The following LAMA2 variants were observed in gnomAD, a reference collection of about 807,000 sequenced individuals.
LAMA2 encodes the protein laminin subunit alpha 2.
A neutral mutation model predicts 364.8 loss-of-function variants in LAMA2; 269 were observed. That is an observed-to-expected ratio of 0.74 (90% CI 0.67 to 0.82). The LOEUF is 0.82. Ranked by LOEUF, LAMA2 falls within the 40% of genes least tolerant of loss-of-function variation. The pLI is 0.00. For missense variants in LAMA2, 3,807 were observed against 3,873.2 expected, an observed-to-expected ratio of 0.98 and a Z score of 0.45; for synonymous variants, 1,379 against 1,370.6, an observed-to-expected ratio of 1.01 and a Z score of -0.14.
Position 129,403,873 on chromosome 6 carries a change from G to T in LAMA2, c.5779G>T (p.Ala1927Ser). The change falls in exon 40 of 65, where the codon GCT becomes TCT. Residue 1927 changes from alanine to serine, a missense_variant. This residue lies in a region of LAMA2 where 3,333 missense variants were observed against 3,345.7 expected (regional missense o/e 1.00). Coordinates refer to ENST00000421865, the MANE Select transcript of LAMA2 (RefSeq NM_000426.4). ...ISFNATAAFK[A>S]YSNIKDYIDE... ...CTTCAATGCCACTGCAGCCTTCAAA[G>T]CTTACAGCAATATTAAGGACTATAT... 3 of 1,613,812 alleles carry T rather than the reference G, an allele frequency of 1.9e-6. No homozygotes were observed. The highest frequency in any genetic ancestry group is 2.2e-5 in the South Asian group (2 of 91,072).
chr6:129,263,900 C>T (rs1245306494), intron 15 of LAMA2, among the ~76,000 whole-genome samples: 1 of 151,938 alleles, frequency 6.6e-6, no homozygotes, highest in Admixed American at 6.6e-5. Flanking sequence ...CCACCATGCC[C>T]AGCTATTTTT....
At chr6:129,300,695 T>C in intron 21 of LAMA2, 41 bp from the exon 22 acceptor site, 2 of 1,609,170 alleles carry the variant, frequency 1.2e-6, no homozygotes, top group African/African-American at 1.3e-5. Context: ...AAATTTTTAC[T>C]ATTTTTCCCC....
chr6:129,206,948 G>A lies in LAMA2; in HGVS notation c.1782+14095G>A, dbSNP rs986557717. 4.6e-5 allele frequency among the ~76,000 whole-genome samples: 7 copies of A among 152,230 alleles called. No individual in the cohort carries two copies. The South Asian group carries it at 6.2e-4, about 14-fold the overall frequency. ...CAATTAGACTGACTGTCTCTTCAAT[G>A]AGTTGTGACCTATCAATGGTAATAG... On this transcript the variant is annotated intron_variant, in intron 12 of 64. Coordinates refer to ENST00000421865, the MANE Select transcript of LAMA2 (RefSeq NM_000426.4).
chr6:129,113,753 C>T (rs569665251), intron 4 of LAMA2, among the ~76,000 whole-genome samples: 2 of 152,002 alleles, frequency 1.3e-5, no homozygotes, highest in African/African-American at 4.8e-5. Context: ...GTGTGTGTAC[C>T]CTTCTACCTG....
intron 2 of LAMA2, among the ~76,000 whole-genome samples, chr6:129,056,195 T>C (rs1020154583): frequency 2.0e-5 from 3 of 152,206 alleles, no homozygotes; most frequent in Admixed American, 1.3e-4. Context: ...TTCTGTGATA[T>C]TTATTTTTCT....
intron 1 of LAMA2, among the ~76,000 whole-genome samples, chr6:128,932,677 AT>A (rs1779554242): frequency 6.6e-6 from 1 of 152,130 alleles, no homozygotes; most frequent in Non-Finnish European, 1.5e-5. Flanking sequence ...TAAGATTTCT[AT>A]TTTTTCTAGA....
chr6:129,151,236 G>T (rs757811913), intron 7 of LAMA2, among the ~76,000 whole-genome samples: 2 of 152,050 alleles, frequency 1.3e-5, no homozygotes, highest in African/African-American at 2.4e-5. Flanking sequence ...TTGGCATCAG[G>T]GTTTTACATA....
chr6:129,326,601 TTAG>T (rs1775300297), intron 28 of LAMA2, among the ~76,000 whole-genome samples: 3 of 151,130 alleles, frequency 2.0e-5, no homozygotes, highest in South Asian at 2.1e-4. Flanking sequence ...CAGTAATAAC[TTAG>T]TAGAGAGATT....
At chr6:129,497,605 G>A (rs1412024875) in intron 58 of LAMA2, among the ~76,000 whole-genome samples, 1 of 152,178 alleles carries the variant, frequency 6.6e-6, no homozygotes, top group African/African-American at 2.4e-5. Flanking sequence ...AGTGAGAACT[G>A]CCTATTTATG....
chr6:129,010,897 C>T (rs938902155), intron 1 of LAMA2, among the ~76,000 whole-genome samples: 1 of 152,180 alleles, frequency 6.6e-6, no homozygotes, highest in African/African-American at 2.4e-5. Flanking sequence ...TATGTCTTTA[C>T]TGTGTATACA....
chr6:129,214,853 T>C (rs965040320), intron 12 of LAMA2, among the ~76,000 whole-genome samples: 3 of 152,228 alleles, frequency 2.0e-5, no homozygotes, highest in African/African-American at 7.2e-5. Context: ...ACCTTGAATC[T>C]ACACAAATTG....
intron 2 of LAMA2, 93 bp from the exon 3 acceptor site, chr6:129,059,691 T>G: frequency 2.6e-6 from 2 of 763,870 alleles, no homozygotes; most frequent in Non-Finnish European, 4.6e-6. Context: ...ATGATGGTTG[T>G]TTTAACCATT....
At chr6:129,451,691 C>T (rs1554299367) in intron 45 of LAMA2, among the ~76,000 whole-genome samples, 1 of 152,146 alleles carries the variant, frequency 6.6e-6, no homozygotes, top group Non-Finnish European at 1.5e-5. Context: ...ATGAATTTAC[C>T]TATTGCAAAA....
At position 129,428,496 on chromosome 6, in the gene LAMA2, C is replaced by G. The variant is rs1290636665; in HGVS notation, c.5968+642C>G. 2.6e-5 allele frequency among the ~76,000 whole-genome samples: 4 copies of G among 152,174 alleles called. No individual in the cohort carries two copies. In the East Asian group the frequency reaches 7.7e-4, roughly 29 times the overall value. ...CTGAGATGAAGTCTCGCTCTGTCAA[C>G]CAGGCTGGAGTGCAGTGGTGCGATC... On this transcript the variant is annotated intron_variant, in intron 41 of 64. Coordinates refer to ENST00000421865, the MANE Select transcript of LAMA2 (RefSeq NM_000426.4).
At chr6:129,226,882 T>C (rs1365546166) in intron 12 of LAMA2, among the ~76,000 whole-genome samples, 1 of 152,240 alleles carries the variant, frequency 6.6e-6, no homozygotes, top group African/African-American at 2.4e-5. Context: ...TTGGCCTGCC[T>C]TGCTAGGTTG....
chr6:129,324,053 C>T (rs1775124930), intron 28 of LAMA2, among the ~76,000 whole-genome samples: 1 of 152,178 alleles, frequency 6.6e-6, no homozygotes, highest in Non-Finnish European at 1.5e-5. Flanking sequence ...CACATCTATC[C>T]TTTATCACTT....
chr6:128,931,779 G>T (rs979969894), intron 1 of LAMA2, among the ~76,000 whole-genome samples: 1 of 152,098 alleles, frequency 6.6e-6, no homozygotes. Context: ...TGTGGCTTCA[G>T]TTTTGACTTC....
In LAMA2 at chr6:129,315,822, G is replaced by A. The variant is rs1554269878; in HGVS notation, c.3796G>A (p.Gly1266Ser). The A allele has an allele frequency of 8.1e-6, 13 of 1,614,108 alleles. No individual in the cohort carries two copies. Among genetic ancestry groups the A allele is most frequent in the Non-Finnish European group, 5.9e-6 (7 of 1,180,022 alleles). Residue 1266 changes from glycine to serine, a missense_variant, in exon 26 of 65, where the codon GGT (glycine) becomes AGT (serine). Physicochemically the swap from Gly to Ser is moderately conservative, Grantham distance 56. Coordinates refer to ENST00000421865, the MANE Select transcript of LAMA2 (RefSeq NM_000426.4). ...AIYFEAREET[G>S]FSTYNPQVII... ...CTATTTCGAGGCTCGGGAAGAAACA[G>A]GTTTCTCTACATATAATCCTCAAGT...
chr6:128,898,742 A>G (rs893810438), intron 1 of LAMA2, among the ~76,000 whole-genome samples: 2 of 152,244 alleles, frequency 1.3e-5, no homozygotes, highest in South Asian at 2.1e-4. Context: ...ATGCATTTCT[A>G]TTATAAGAAT....
Sources: gnomAD v4.1 joint callset for allele counts (sites outside exome capture counted in the v4.1 genomes callset) on GRCh38, gnomAD v4.1.1 for gene constraint, gnomAD v4.1.1 regional missense constraint, MANE v1.5 for transcripts, NCBI Gene and HGNC (gene_info 2026-07-23, HGNC 2026-07-21) for gene names.